NGF: variants seen among roughly 807,000 people sequenced by gnomAD.
NGF encodes the protein beta-nerve growth factor.
Under a neutral mutation model 12.8 loss-of-function variants are expected in NGF, and 4 were observed. The ratio of observed to expected loss-of-function variants is 0.31; its 90% CI spans 0.15 to 0.72. The LOEUF is 0.72. Among genes scored for constraint, NGF ranks in the 30% least tolerant of loss-of-function variants. NGF has a pLI of 0.69. For synonymous variants in NGF, 140 were observed against 130.0 expected, an observed-to-expected ratio of 1.08 and a Z score of -0.52; for missense variants, 283 against 330.8, an observed-to-expected ratio of 0.86 and a Z score of 1.12.
intron 1 of NGF, among the ~76,000 whole-genome samples, chr1:115,332,427 C>A (rs1311293446): frequency 1.3e-5 from 2 of 152,060 alleles, no homozygotes; most frequent in East Asian, 1.9e-4. Flanking sequence ...TTCAATGCAA[C>A]CAAAAAGATT....
intron 1 of NGF, among the ~76,000 whole-genome samples, chr1:115,302,816 G>A (rs893017126): frequency 3.3e-5 from 5 of 152,196 alleles, no homozygotes; most frequent in Non-Finnish European, 7.3e-5. Flanking sequence ...CCAGGGCCAC[G>A]TACCTATCCT....
At chr1:115,310,626 A>G (rs914568499) in intron 1 of NGF, among the ~76,000 whole-genome samples, 14 of 152,182 alleles carry the variant, frequency 9.2e-5, no homozygotes, top group African/African-American at 2.4e-4. Context: ...AATTTGTCCA[A>G]TGTGTGTGGA....
At chr1:115,307,153 CTAAG>C (rs958401310) in intron 1 of NGF, among the ~76,000 whole-genome samples, 3 of 152,270 alleles carry the variant, frequency 2.0e-5, no homozygotes, top group South Asian at 2.1e-4. Context: ...CTGGAACAAA[CTAAG>C]TGAGCTGGGA....
At chr1:115,335,592 G>A (rs142983901) in intron 1 of NGF, among the ~76,000 whole-genome samples, 1,725 of 152,306 alleles carry the variant, frequency 0.011, 18 homozygotes, top group Middle Eastern at 0.02. Context: ...TATGCAAGCC[G>A]TCAGCAAACC....
rs11102928 is a variant in NGF, at chr1:115,333,804, T to C, written c.-137+4400A>G. Among the ~76,000 whole-genome samples, 733 of 133,746 alleles carry C rather than the reference T, an allele frequency of 5.5e-3. 21 individuals are homozygous for C. Among genetic ancestry groups the C allele is most frequent in the Middle Eastern group, 0.011 (3 of 266 alleles). 87.7% of individuals were successfully genotyped at this position (133,746 alleles called of 152,430 possible). On this transcript the variant is annotated intron_variant, in intron 1 of 2. Transcript: ENST00000369512. ...TCCTTCCTTTCTTTTCTTTCTTTCT[T>C]TCTCTTTTTCTTTCTTTCTCTCTTC...
At chr1:115,308,631 T>C (rs1028016518) in intron 1 of NGF, among the ~76,000 whole-genome samples, 5 of 152,180 alleles carry the variant, frequency 3.3e-5, no homozygotes, top group Non-Finnish European at 5.9e-5. Flanking sequence ...ATGACTGTCA[T>C]GGCCTTTTGT....
intron 1 of NGF, among the ~76,000 whole-genome samples, chr1:115,333,499 T>TAAA (rs34024301): frequency 0.3 from 22,998 of 76,116 alleles, 3,837 homozygotes; most frequent in African/African-American, 0.48. Flanking sequence ...ATAGTACTAC[T>TAAA]AAAAAAAAAA....
chr1:115,329,997 C>T (rs568841046), intron 1 of NGF, among the ~76,000 whole-genome samples: 102 of 152,182 alleles, frequency 6.7e-4, no homozygotes, highest in Non-Finnish European at 8.5e-4. Flanking sequence ...CTCAAGTGAT[C>T]CTCCCGCCTC....
intron 2 of NGF, among the ~76,000 whole-genome samples, chr1:115,288,360 C>T (rs1015878578): frequency 6.6e-6 from 1 of 152,132 alleles, no homozygotes; most frequent in African/African-American, 2.4e-5. Context: ...CCTTAGCGTT[C>T]CCATTGATCG....
At chr1:115,290,535 A>G (rs199671483) in intron 2 of NGF, among the ~76,000 whole-genome samples, 2 of 151,482 alleles carry the variant, frequency 1.3e-5, no homozygotes, top group East Asian at 4.0e-4. Flanking sequence ...AGCTGGGACT[A>G]CAGGCACACG....
At chr1:115,300,555 C>T (rs1364126946) in intron 1 of NGF, among the ~76,000 whole-genome samples, 2 of 152,212 alleles carry the variant, frequency 1.3e-5, no homozygotes, top group African/African-American at 2.4e-5. Flanking sequence ...AATCTGAGGA[C>T]ACATCAGATA....
chr1:115,318,677 C>T (rs1397034419), intron 1 of NGF, among the ~76,000 whole-genome samples: 1 of 152,184 alleles, frequency 6.6e-6, no homozygotes, highest in Non-Finnish European at 1.5e-5. Flanking sequence ...CTATGTAGAG[C>T]CTTCAAATAG....
intron 1 of NGF, among the ~76,000 whole-genome samples, chr1:115,307,783 G>C (rs775893253): frequency 1.1e-4 from 16 of 152,232 alleles, no homozygotes; most frequent in Non-Finnish European, 2.1e-4. Flanking sequence ...ATGATACAGT[G>C]ATTTCATCTC....
rs11466088 is a variant in NGF at position 115,302,044 on chromosome 1, G to A, written c.-136-8294C>T. Among the ~76,000 whole-genome samples the A allele has an allele frequency of 5.5e-3, 843 of 152,312 alleles. 9 individuals are homozygous for A. Among genetic ancestry groups the A allele is most frequent in the African/African-American group, 0.019 (783 of 41,566 alleles). ...TGAGGTCTTAGGAGTATTTCTATCCGTGGGGCTGTCCCAGTGTAGGCACTT... is the reference window on the plus strand; with the variant it reads ...TGAGGTCTTAGGAGTATTTCTATCCATGGGGCTGTCCCAGTGTAGGCACTT... On this transcript the variant is annotated intron_variant, in intron 1 of 2. Coordinates refer to ENST00000369512, the MANE Select transcript of NGF (RefSeq NM_002506.3).
Position 115,330,953 on chromosome 1 carries a change from TG to T in NGF, c.-137+7250del, listed in dbSNP as rs1455817543. ...GGGTGGGATTCTGACAAAGGGCAAC[TG>T]GGCAAGCAGCCACAGGCCTCGGGGA... On this transcript the variant is annotated intron_variant, in intron 1 of 2. Transcript: ENST00000369512. 4.6e-5 allele frequency among the ~76,000 whole-genome samples: 7 copies of T among 152,198 alleles called. No homozygotes were observed. In the South Asian group the frequency reaches 6.2e-4, roughly 14 times the overall value.
chr1:115,337,263 T>TTTTGTTTG (rs1557950744), intron 1 of NGF, among the ~76,000 whole-genome samples: 2 of 82,706 alleles, frequency 2.4e-5, no homozygotes, highest in African/African-American at 6.4e-5. Context: ...TTTGTTTTGT[T>TTTTGTTTG]TTTGTTTTTT....
chr1:115,299,517 G>A (rs975801850), intron 1 of NGF, among the ~76,000 whole-genome samples: 2 of 152,140 alleles, frequency 1.3e-5, no homozygotes, highest in African/African-American at 4.8e-5. Flanking sequence ...CCACACCCCA[G>A]GGAGGTTTTC....
chr1:115,315,277 C>A (rs1654446682), intron 1 of NGF, among the ~76,000 whole-genome samples: 1 of 152,178 alleles, frequency 6.6e-6, no homozygotes, highest in Non-Finnish European at 1.5e-5. Flanking sequence ...TGAGCACACA[C>A]AATGGGGACC....
At chr1:115,302,755 C>T (rs1457942996) in intron 1 of NGF, among the ~76,000 whole-genome samples, 1 of 152,202 alleles carries the variant, frequency 6.6e-6, no homozygotes, top group Non-Finnish European at 1.5e-5. Flanking sequence ...ACTGCCACAG[C>T]TCCCTCTGTG....
Sources: gnomAD v4.1 joint callset for allele counts (sites outside exome capture counted in the v4.1 genomes callset) on GRCh38, gnomAD v4.1.1 for gene constraint, MANE v1.5 for transcripts, NCBI Gene and HGNC (gene_info 2026-07-23, HGNC 2026-07-21) for gene names.